TMIGD3: variants seen among roughly 807,000 people sequenced by gnomAD.
TMIGD3 encodes the protein AD026 protein (AD026).
In TMIGD3, 21 loss-of-function variants were observed where a neutral mutation model predicts 28.1. The observed-to-expected ratio is 0.75, with a 90% CI of 0.53 to 1.08. TMIGD3 has a LOEUF of 1.08. Ranked by LOEUF, TMIGD3 falls within the 50% of genes least tolerant of loss-of-function variation. The pLI is 0.00. For missense variants in TMIGD3, 416 were observed against 435.6 expected, an observed-to-expected ratio of 0.96 and a Z score of 0.40; for synonymous variants, 151 against 162.1, an observed-to-expected ratio of 0.93 and a Z score of 0.52.
chr1:111,492,882 G>T (rs1250473558), intron 1 of TMIGD3, among the ~76,000 whole-genome samples: 1 of 151,190 alleles, frequency 6.6e-6, no homozygotes, highest in Admixed American at 6.6e-5. Flanking sequence ...AATGAATGAT[G>T]TGTCTACTAG....
At chr1:111,552,563 T>C (rs1172272111) in intron 1 of TMIGD3, among the ~76,000 whole-genome samples, 1 of 152,220 alleles carries the variant, frequency 6.6e-6, no homozygotes, top group African/African-American at 2.4e-5. Context: ...ACCATTTTTT[T>C]ATCCACTATA....
chr1:111,487,302 G>A (rs550946311), intron 3 of TMIGD3, among the ~76,000 whole-genome samples: 1 of 152,298 alleles, frequency 6.6e-6, no homozygotes, highest in East Asian at 1.9e-4. Flanking sequence ...GGGTGTGAAC[G>A]ATGTTACATT....
chr1:111,491,521 G>T (rs994369068), intron 1 of TMIGD3, among the ~76,000 whole-genome samples: 1 of 152,240 alleles, frequency 6.6e-6, no homozygotes, highest in Admixed American at 6.5e-5. Context: ...CCCATCAAGG[G>T]TCATACATAG....
At chr1:111,513,749 G>A (rs546707636) in intron 1 of TMIGD3, among the ~76,000 whole-genome samples, 11 of 152,078 alleles carry the variant, frequency 7.2e-5, no homozygotes, top group Admixed American at 3.9e-4. Flanking sequence ...CCCCACCCAC[G>A]CCTAGTGCCC....
chr1:111,550,455 A>G (rs1657215299), intron 1 of TMIGD3, among the ~76,000 whole-genome samples: 1 of 152,126 alleles, frequency 6.6e-6, no homozygotes, highest in South Asian at 2.1e-4. Flanking sequence ...TTTTTAATGA[A>G]GGTGTTCAAC....
intron 1 of TMIGD3, among the ~76,000 whole-genome samples, chr1:111,544,017 T>C (rs1314748065): frequency 1.3e-5 from 2 of 152,242 alleles, no homozygotes. Context: ...AGGCATCTAT[T>C]GGAAGTCATA....
chr1:111,527,006 C>CTTTTTTTTTTTTTTTTTTT (rs71580580), intron 1 of TMIGD3, among the ~76,000 whole-genome samples: 4 of 87,732 alleles, frequency 4.6e-5, no homozygotes, highest in African/African-American at 4.6e-5. Context: ...TCCTCAATGT[C>CTTTTTTTTTTTTTTTTTTT]TTTTTTTTTT....
At chr1:111,540,495 C>A (rs1173793910) in intron 1 of TMIGD3, among the ~76,000 whole-genome samples, 1 of 152,206 alleles carries the variant, frequency 6.6e-6, no homozygotes, top group Non-Finnish European at 1.5e-5. Flanking sequence ...CCCACATCAT[C>A]AAAGTTAGAG....
intron 2 of TMIGD3, 87 bp from the exon 3 acceptor site, chr1:111,489,111 A>T (rs1654532465): frequency 1.6e-6 from 2 of 1,290,024 alleles, no homozygotes; most frequent in Non-Finnish European, 2.1e-6. Context: ...CTCCTGAAGG[A>T]TAATTAATTA....
upstream of TMIGD3, among the ~76,000 whole-genome samples, chr1:111,508,486 C>CAA (rs1655588631): frequency 6.6e-6 from 1 of 152,162 alleles, no homozygotes; most frequent in Non-Finnish European, 1.5e-5. Context: ...AACTGCTTAA[C>CAA]CAGCAACCTC....
At chr1:111,549,486 T>TA (rs954382293) in intron 1 of TMIGD3, among the ~76,000 whole-genome samples, 44 of 151,472 alleles carry the variant, frequency 2.9e-4, no homozygotes, top group African/African-American at 9.4e-4. Flanking sequence ...TCATCTCCAC[T>TA]AAAAAATACA....
chr1:111,533,703 GCCA>G (rs1303678505), intron 1 of TMIGD3, among the ~76,000 whole-genome samples: 1 of 152,222 alleles, frequency 6.6e-6, no homozygotes, highest in African/African-American at 2.4e-5. Flanking sequence ...ACAGGAGCGT[GCCA>G]CCACACTTGG....
chr1:111,558,341 C>G (rs1178345260), intron 1 of TMIGD3, among the ~76,000 whole-genome samples: 2 of 122,862 alleles, frequency 1.6e-5, no homozygotes, highest in Admixed American at 1.5e-4. Context: ...CCACTCCCAG[C>G]TAATTTTTCT....
chr1:111,491,541 G>A (rs1220692217), intron 1 of TMIGD3, among the ~76,000 whole-genome samples: 1 of 152,198 alleles, frequency 6.6e-6, no homozygotes, highest in Non-Finnish European at 1.5e-5. Context: ...GATTGTCCAG[G>A]TTATGCAATA....
intron 1 of TMIGD3, among the ~76,000 whole-genome samples, chr1:111,563,304 A>G (rs1186169232): frequency 6.6e-6 from 1 of 151,964 alleles, no homozygotes; most frequent in African/African-American, 2.4e-5. Context: ...AAATAAATAA[A>G]CCCAGTACTG....
At chr1:111,519,153 G>A (rs12045077) in intron 1 of TMIGD3, among the ~76,000 whole-genome samples, 42,918 of 151,970 alleles carry the variant, frequency 0.28, 6,672 homozygotes, top group East Asian at 0.67. Flanking sequence ...TGGCCAGGCT[G>A]GTCTCAAACT....
intron 1 of TMIGD3, among the ~76,000 whole-genome samples, chr1:111,528,631 T>C (rs1571438414): frequency 6.6e-6 from 1 of 152,308 alleles, no homozygotes; most frequent in Middle Eastern, 3.4e-3. Flanking sequence ...TTGATAATAT[T>C]GAGTCTTACT....
chr1:111,519,095 C>A (rs374185385), intron 1 of TMIGD3, among the ~76,000 whole-genome samples: 73 of 152,238 alleles, frequency 4.8e-4, no homozygotes, highest in African/African-American at 1.7e-3. Context: ...CCTGCCACCA[C>A]GCCTGGCTAA....
intron 1 of TMIGD3, among the ~76,000 whole-genome samples, chr1:111,531,252 T>A (rs1431959545): frequency 6.6e-6 from 1 of 151,416 alleles, no homozygotes; most frequent in Non-Finnish European, 1.5e-5. Context: ...AATTCCAGCC[T>A]GGGTGACAGA....
Sources: allele counts gnomAD v4.1 joint callset (sites outside exome capture counted in the v4.1 genomes callset), GRCh38; gene constraint gnomAD v4.1.1; transcripts MANE v1.5; gene names NCBI Gene and HGNC (gene_info 2026-07-23, HGNC 2026-07-21).